CD96: variants seen among roughly 807,000 people sequenced by gnomAD.
CD96 encodes the protein T-cell surface protein tactile.
A neutral mutation model predicts 71.3 loss-of-function variants in CD96; 70 were observed. The observed-to-expected ratio is 0.98, with a 90% confidence interval of 0.81 to 1.20. The LOEUF is 1.20. Ranked by LOEUF, CD96 falls within the 50% of genes most tolerant of loss-of-function variation. The probability of loss-of-function intolerance (pLI) is 0.00; values close to 1 mark genes in which losing one functional copy is unlikely to be tolerated. For missense variants in CD96, 742 were observed against 677.5 expected (o/e 1.10, Z -1.06); for synonymous variants, 248 against 233.0 (o/e 1.06, Z -0.59).
At chr3:111,661,076 G>A (rs531636631) in intron 14 of CD96, among the ~76,000 whole-genome samples, 2 of 152,290 alleles carry the variant, frequency 1.3e-5, no homozygotes, top group African/African-American at 4.8e-5. Context: ...GAAGCCTCAG[G>A]AAACTTAACA....
At chr3:111,612,815 C>G (rs1290152429) in intron 8 of CD96, 1 of 957,328 alleles carries the variant, frequency 1.0e-6, no homozygotes, top group African/African-American at 1.8e-5. Context: ...TAATCTCTCC[C>G]TTTTTCAGAC....
In CD96 at chr3:111,643,735, C is replaced by CAAA. The variant is rs56078551; in HGVS notation, c.1478-3793_1478-3791dup. Among the ~76,000 whole-genome samples the CAAA allele has an allele frequency of 1.4e-3, 176 of 128,206 alleles. 1 individual carries two copies. The highest frequency in any genetic ancestry group is 6.5e-3 in the South Asian group (26 of 3,982). 84.1% of individuals were successfully genotyped at this position (128,206 alleles called of 152,430 possible). A position where few individuals can be genotyped will look rare whatever the true frequency, so the allele number is the denominator to read the frequency against. On this transcript the variant is annotated intron_variant, in intron 12 of 13. Transcript: ENST00000352690. ...AACTCAACCCCTTTTACAATAGCTG[C>CAAA]AAAAAAAAAAAAAAAAATGAAATAC...
At chr3:111,658,280 T>C in intron 14 of CD96, among the ~76,000 whole-genome samples, 1 of 152,082 alleles carries the variant, frequency 6.6e-6, no homozygotes, top group Non-Finnish European at 1.5e-5. Flanking sequence ...TTAGAAACCA[T>C]TGAGAAAAGC....
intron 14 of CD96, among the ~76,000 whole-genome samples, chr3:111,660,363 A>AGAT (rs373029916): frequency 9.0e-4 from 137 of 152,370 alleles, no homozygotes; most frequent in African/African-American, 2.6e-3. Context: ...AAGAAATCAG[A>AGAT]GATGACACAA....
rs112320029 is a variant in CD96, at chr3:111,614,885, C to T, written c.1180+8093C>T. On this transcript the variant is annotated intron_variant, in intron 8 of 13. Coordinates refer to ENST00000352690, the MANE Select transcript of CD96 (RefSeq NM_005816.5). ...CTTCGCTTGGTCTAAAGTGAAGGAG[C>T]GGATTCTTCTTCATCTTCTCCATGA... 6.2e-4 allele frequency among the ~76,000 whole-genome samples: 94 copies of T among 152,296 alleles called. 3 individuals carry two copies. The highest frequency in any genetic ancestry group is 2.1e-3 in the African/African-American group (87 of 41,570).
chr3:111,559,165 GATTC>G (rs1935248866), intron 2 of CD96, among the ~76,000 whole-genome samples: 1 of 150,400 alleles, frequency 6.6e-6, no homozygotes, highest in East Asian at 2.0e-4. Context: ...CCAGCTCCTG[GATTC>G]ATTGATTTTT....
intron 3 of CD96, chr3:111,577,428 C>T: frequency 9.6e-7 from 1 of 1,037,010 alleles, no homozygotes; most frequent in Non-Finnish European, 1.5e-6. Flanking sequence ...CCACCCAATA[C>T]TTAGAGCTCC....
chr3:111,569,218 A>G (rs1272621289), intron 3 of CD96, among the ~76,000 whole-genome samples: 2 of 152,206 alleles, frequency 1.3e-5, no homozygotes, highest in Non-Finnish European at 2.9e-5. Context: ...AAAACTTTAA[A>G]TACAACCTAC....
intron 5 of CD96, 132 bp from the exon 6 acceptor site, chr3:111,597,988 A>T: frequency 2.9e-6 from 2 of 692,178 alleles, no homozygotes; most frequent in Non-Finnish European, 5.3e-6. Flanking sequence ...TTAAAAGTAG[A>T]CATTGCCTTC....
chr3:111,546,919 TACACACAC>T (rs60838213), intron 2 of CD96, among the ~76,000 whole-genome samples: 3 of 138,088 alleles, frequency 2.2e-5, no homozygotes, highest in Non-Finnish European at 3.2e-5. Flanking sequence ...CACAGACACA[TACACACAC>T]ACACACACAC....
At chr3:111,593,165 C>T in intron 5 of CD96, 2 of 168,376 alleles carry the variant, frequency 1.2e-5, no homozygotes, top group Admixed American at 5.8e-5. Flanking sequence ...ATTCCAGCTA[C>T]CTAACCAGCC....
intron 14 of CD96, among the ~76,000 whole-genome samples, chr3:111,660,268 G>A (rs896300536): frequency 6.6e-6 from 1 of 152,078 alleles, no homozygotes; most frequent in Non-Finnish European, 1.5e-5. Flanking sequence ...ACTTACAATA[G>A]CTATGAAGAA....
Position 111,545,061 on chromosome 3 carries a change from C to G in CD96, c.77C>G (p.Thr26Arg). ...IHFVKGVWEK[T>R]VNTEENVYAT... is the part of the protein sequence containing the mutation. Reference sequence around the variant, plus strand: ...TTCTTTTCAGGAGTTTGGGAAAAAACAGTCAACACAGAAGAAAATGTTTAT... The same window carrying G: ...TTCTTTTCAGGAGTTTGGGAAAAAAGAGTCAACACAGAAGAAAATGTTTAT... The change falls in exon 2 of 14, where the codon ACA (threonine) becomes AGA (arginine). Residue 26 changes from threonine (T) to arginine (R), a missense_variant. Transcript: ENST00000352690. 6.2e-7 allele frequency: 1 copy of G among 1,613,966 alleles called. No homozygotes were observed. The highest frequency in any genetic ancestry group is 1.1e-5 in the South Asian group (1 of 91,076).
At position 111,650,747 on chromosome 3, in the gene CD96, C is replaced by CA. The variant is rs1940040041; in HGVS notation, c.*943dup. 6.6e-6 allele frequency: 1 copy of CA among 152,210 alleles called. No homozygotes were observed. The highest frequency in any genetic ancestry group is 2.4e-5 in the African/African-American group (1 of 41,448). The allele number at this position is 152,210 out of a possible 1,614,324, so 9.4% of individuals were successfully genotyped here. A position where few individuals can be genotyped will look rare whatever the true frequency, so the allele number is the denominator to read the frequency against. On this transcript the variant is annotated 3_prime_UTR_variant, in exon 14 of 14. Coordinates refer to ENST00000352690, the MANE Select transcript of CD96 (RefSeq NM_005816.5). ...ACTGATTAATTAACCCTGCTCCTAC[C>CA]AATCTTTTTTAAAGCAGTTGAAGCA...
In CD96 at chr3:111,659,118, T is replaced by A. The variant is rs186012924; in HGVS notation, c.*53-6409T>A. 1.5e-3 allele frequency among the ~76,000 whole-genome samples: 221 copies of A among 152,334 alleles called. 1 individual carries two copies. Among genetic ancestry groups the A allele is most frequent in the African/African-American group, 4.8e-3 (201 of 41,578 alleles). On this transcript the variant is annotated intron_variant and NMD_transcript_variant, in intron 14 of 14. Coordinates refer to the CD96 transcript ENST00000494798. ...GCTTCCTGATTTAATCTTGGGAGAT[T>A]GTGTGTTTCCAGAAATTTATCCATT...
intron 12 of CD96, among the ~76,000 whole-genome samples, chr3:111,642,051 A>C (rs1368241137): frequency 1.3e-5 from 2 of 152,228 alleles, no homozygotes; most frequent in Non-Finnish European, 2.9e-5. Flanking sequence ...AATCTGAAAG[A>C]GTGCAAACAG....
chr3:111,585,199 A>C, intron 4 of CD96, 124 bp from the exon 5 acceptor site: 1 of 333,502 alleles, frequency 3.0e-6, no homozygotes, highest in Non-Finnish European at 5.5e-6. Context: ...ATTAATAAAT[A>C]TTAATTTATA....
intron 7 of CD96, among the ~76,000 whole-genome samples, chr3:111,602,432 T>C (rs1421081154): frequency 6.6e-6 from 1 of 152,190 alleles, no homozygotes; most frequent in Non-Finnish European, 1.5e-5. Context: ...TTTGGGGCTC[T>C]GAACAGGTGG....
In CD96 at chr3:111,600,920, T is replaced by C. The variant is rs776048679; in HGVS notation, c.1087+6T>C. On this transcript the variant is annotated splice_donor_region_variant and intron_variant, in intron 7 of 13. Transcript: ENST00000352690. ...AAAGATCACTTTTCTCTTAGGTGAG[T>C]TGTCTATTTAATAAGATCAACAAGA... is the stretch of plus-strand genomic sequence containing the variant. 6 of 1,574,144 alleles carry C rather than the reference T, an allele frequency of 3.8e-6. No homozygotes were observed. The Admixed American group carries it at 1.0e-4, about 26-fold the overall frequency.
Sources: allele counts gnomAD v4.1 joint callset (sites outside exome capture counted in the v4.1 genomes callset), GRCh38; gene constraint gnomAD v4.1.1; transcripts MANE v1.5; gene names NCBI Gene and HGNC (gene_info 2026-07-23, HGNC 2026-07-21).